Variants in PTPDC1 observed in about 807,000 individuals in gnomAD.
The protein encoded by PTPDC1 is protein tyrosine phosphatase domain-containing protein 1.
Under a neutral mutation model 75.3 loss-of-function variants are expected in PTPDC1, and 53 were observed. The ratio of observed to expected loss-of-function variants is 0.70; its 90% CI spans 0.56 to 0.88. The LOEUF is 0.88. Among genes scored for constraint, PTPDC1 ranks in the 40% least tolerant of loss-of-function variants. The probability of loss-of-function intolerance (pLI) is 0.00; values close to 1 mark genes in which losing one functional copy is unlikely to be tolerated. For missense variants in PTPDC1, 925 were observed against 998.6 expected, an observed-to-expected ratio of 0.93 and a Z score of 0.99; for synonymous variants, 349 against 366.2, an observed-to-expected ratio of 0.95 and a Z score of 0.54.
At chr9:94,031,779 G>A (rs1316409959) in intron 1 of PTPDC1, among the ~76,000 whole-genome samples, 1 of 152,162 alleles carries the variant, frequency 6.6e-6, no homozygotes, top group African/African-American at 2.4e-5. Flanking sequence ...AACGTCTCCT[G>A]GGAGGAGAGG....
chr9:94,038,230 G>A lies in PTPDC1; in HGVS notation c.-7+7103G>A. On this transcript the variant is annotated intron_variant, in intron 1 of 9. Coordinates refer to the PTPDC1 transcript ENST00000375360. The stretch of plus-strand genomic sequence containing the variant: ...CCTGGGGAGAGGATACACTGATGGA[G>A]TATTTGGAGAATCCCAAGAAGTACA... 2.7e-5 allele frequency: 25 copies of A among 918,896 alleles called. No homozygotes were observed. In the South Asian group the frequency reaches 2.8e-4, roughly 10 times the overall value. 56.9% of individuals were successfully genotyped at this position (918,896 alleles called of 1,614,324 possible). A position where few individuals can be genotyped will look rare whatever the true frequency, so the allele number is the denominator to read the frequency against.
chr9:94,053,695 C>T (rs1323714478), intron 1 of PTPDC1, among the ~76,000 whole-genome samples: 2 of 152,162 alleles, frequency 1.3e-5, no homozygotes, highest in Non-Finnish European at 2.9e-5. Flanking sequence ...CGTATCAAGC[C>T]TCTGTACCTT....
rs528332799 is a variant in PTPDC1, at chr9:94,108,806, C to G, written c.*862C>G. On this transcript the variant is annotated 3_prime_UTR_variant, in exon 9 of 9. Coordinates refer to ENST00000620992, the MANE Select transcript of PTPDC1 (RefSeq NM_001253829.2). ...GAAGCAGGGCTTGCCTCTGTCCTCC[C>G]GGGGACTCCACAGGGATATTCGTGC... 6.6e-6 allele frequency: 1 copy of G among 152,256 alleles called. No individual in the cohort carries two copies. Among genetic ancestry groups the G allele is most frequent in the African/African-American group, 2.4e-5 (1 of 41,458 alleles). The allele number at this position is 152,256 out of a possible 1,614,324, so 9.4% of individuals were successfully genotyped here.
intron 1 of PTPDC1, chr9:94,064,696 C>T: frequency 6.7e-7 from 1 of 1,496,886 alleles, no homozygotes; most frequent in Middle Eastern, 1.7e-4. Context: ...ATGACTGTCC[C>T]AAGGCAAACT....
At chr9:94,049,264 A>T (rs991148174) in intron 1 of PTPDC1, among the ~76,000 whole-genome samples, 1 of 152,170 alleles carries the variant, frequency 6.6e-6, no homozygotes, top group African/African-American at 2.4e-5. Context: ...ACCTGATGTT[A>T]GCTGGTTATT....
At chr9:94,070,453 A>G (rs1826476152) in intron 2 of PTPDC1, among the ~76,000 whole-genome samples, 1 of 152,220 alleles carries the variant, frequency 6.6e-6, no homozygotes, top group Admixed American at 6.5e-5. Flanking sequence ...ATTTTTAATT[A>G]AAATATTGAG....
chr9:94,083,332 A>G (rs1826952447), upstream of PTPDC1, among the ~76,000 whole-genome samples: 1 of 152,162 alleles, frequency 6.6e-6, no homozygotes, highest in Non-Finnish European at 1.5e-5. Flanking sequence ...GATACTATAC[A>G]TAGAGTAGGA....
At chr9:94,041,558 A>G (rs531759077) in intron 1 of PTPDC1, among the ~76,000 whole-genome samples, 19 of 152,338 alleles carry the variant, frequency 1.2e-4, no homozygotes, top group African/African-American at 4.3e-4. Flanking sequence ...GTAAAGATGT[A>G]GATAAAACTG....
chr9:94,043,686 A>C (rs1825503091), intron 1 of PTPDC1, among the ~76,000 whole-genome samples: 1 of 152,198 alleles, frequency 6.6e-6, no homozygotes, highest in Admixed American at 6.5e-5. Flanking sequence ...GCACCACTGC[A>C]CACCAGCCTG....
intron 7 of PTPDC1, 23 bp downstream of exon 7, chr9:94,101,774 T>C: frequency 4.0e-6 from 6 of 1,496,636 alleles, no homozygotes; most frequent in Non-Finnish European, 5.5e-6. Context: ...TAGGACCAGT[T>C]AATGACTGTA....
upstream of PTPDC1, among the ~76,000 whole-genome samples, chr9:94,082,003 G>A (rs1417483954): frequency 5.9e-5 from 9 of 152,110 alleles, no homozygotes; most frequent in Non-Finnish European, 8.8e-5. Context: ...GAAGCCCAGC[G>A]TGTTGGCAGG....
At chr9:94,079,945 T>C (rs113697596), upstream of PTPDC1, among the ~76,000 whole-genome samples, 108 of 152,238 alleles carry the variant, frequency 7.1e-4, no homozygotes, top group African/African-American at 2.4e-3. Flanking sequence ...AGGAAATCCA[T>C]ATGGGAGAGC....
intron 2 of PTPDC1, among the ~76,000 whole-genome samples, chr9:94,067,705 G>A (rs571706107): frequency 1.3e-5 from 2 of 152,046 alleles, no homozygotes; most frequent in Non-Finnish European, 2.9e-5. Context: ...AAGTTCAAGC[G>A]ATTCTCATGT....
intron 2 of PTPDC1, among the ~76,000 whole-genome samples, chr9:94,079,279 G>A (rs1362719448): frequency 1.3e-5 from 2 of 151,852 alleles, no homozygotes; most frequent in Non-Finnish European, 1.5e-5. Context: ...CAGTCACCCT[G>A]AGAAGACAGT....
chr9:94,074,525 G>A (rs929208525), intron 2 of PTPDC1, among the ~76,000 whole-genome samples: 6 of 152,114 alleles, frequency 3.9e-5, no homozygotes, highest in African/African-American at 1.4e-4. Context: ...GTGGTCCTCA[G>A]GGGAGGAGAA....
At chr9:94,056,113 T>C (rs951565092) in intron 1 of PTPDC1, among the ~76,000 whole-genome samples, 1 of 152,158 alleles carries the variant, frequency 6.6e-6, no homozygotes. Context: ...AAAAACAAAG[T>C]CTATTTTAAA....
At chr9:94,094,431 C>T (rs534919709) in intron 4 of PTPDC1, among the ~76,000 whole-genome samples, 9 of 152,218 alleles carry the variant, frequency 5.9e-5, no homozygotes, top group Admixed American at 1.3e-4. Flanking sequence ...GCAGTCTGCC[C>T]GTTCTCAGAT....
rs148617037 is a variant in PTPDC1 at position 94,104,797 on chromosome 9, A to G, written c.2310+412A>G. Among the ~76,000 whole-genome samples the G allele has an allele frequency of 6.8e-4, 103 of 152,308 alleles. No homozygotes were observed. In the East Asian group the frequency reaches 0.012, roughly 18 times the overall value. On this transcript the variant is annotated intron_variant, in intron 8 of 8. Transcript: ENST00000620992. ...AAACATCCCACATTGCTAATTCAGT[A>G]CTGAGTCCTGGTTGGCAAATCCTAA...
At chr9:94,102,978 C>A (rs1827894456) in intron 7 of PTPDC1, among the ~76,000 whole-genome samples, 1 of 148,534 alleles carries the variant, frequency 6.7e-6, no homozygotes. Context: ...CACTAAAAAT[C>A]TTCTGCTGTT....
Sources: allele counts gnomAD v4.1 joint callset (sites outside exome capture counted in the v4.1 genomes callset), GRCh38; gene constraint gnomAD v4.1.1; transcripts MANE v1.5; gene names NCBI Gene and HGNC (gene_info 2026-07-23, HGNC 2026-07-21).